The following RNF149 variants were observed in gnomAD, a reference collection of about 807,000 sequenced individuals.
The protein encoded by RNF149 is E3 ubiquitin-protein ligase RNF149.
Under a neutral mutation model 39.0 loss-of-function variants are expected in RNF149, and 21 were observed. The ratio of observed to expected loss-of-function variants is 0.54; its 90% CI spans 0.38 to 0.77. The LOEUF is 0.77. Among genes scored for constraint, RNF149 ranks in the 30% least tolerant of loss-of-function variants. The probability of loss-of-function intolerance (pLI) is 0.00; values close to 1 mark genes in which losing one functional copy is unlikely to be tolerated. For missense variants in RNF149, 493 were observed against 534.9 expected (o/e 0.92, Z 0.77); for synonymous variants, 209 against 213.6 (o/e 0.98, Z 0.19).
At chr2:101,271,897 T>C (rs12622282), downstream of RNF149, among the ~76,000 whole-genome samples, 672 of 152,360 alleles carry the variant, frequency 4.4e-3, 13 homozygotes, top group East Asian at 0.074. Flanking sequence ...TTTATTCTTA[T>C]AGTGTACATA....
chr2:101,272,913 G>T (rs751994485), downstream of RNF149: 7 of 1,339,094 alleles, frequency 5.2e-6, no homozygotes, highest in Non-Finnish European at 6.9e-6. Context: ...CAGCTCCCAT[G>T]GCATGAAGCT....
intron 5 of RNF149, among the ~76,000 whole-genome samples, chr2:101,283,912 A>C (rs988989105): frequency 2.6e-5 from 4 of 152,210 alleles, no homozygotes; most frequent in Non-Finnish European, 5.9e-5. Context: ...GTAATGAAGA[A>C]AACAACTTAG....
chr2:101,304,390 T>G (rs1249661456), intron 1 of RNF149, among the ~76,000 whole-genome samples: 1 of 152,026 alleles, frequency 6.6e-6, no homozygotes, highest in Non-Finnish European at 1.5e-5. Context: ...GAGCAAGACC[T>G]TGCCTCAAAA....
Position 101,276,297 on chromosome 2 carries a change from G to A in RNF149, c.*941C>T. On this transcript the variant is annotated 3_prime_UTR_variant, in exon 7 of 7. Coordinates refer to ENST00000295317, the MANE Select transcript of RNF149 (RefSeq NM_173647.4). ...AAGCTTTGCATTAGCCTGCTCCTTTGACCCAAAAGAACAGCAAGCAAGTAA... is the reference window on the plus strand; with the variant it reads ...AAGCTTTGCATTAGCCTGCTCCTTTAACCCAAAAGAACAGCAAGCAAGTAA... 1.0e-6 allele frequency: 1 copy of A among 985,422 alleles called. No homozygotes were observed. Among genetic ancestry groups the A allele is most frequent in the Non-Finnish European group, 1.2e-6 (1 of 829,896 alleles). 61.0% of individuals were successfully genotyped at this position (985,422 alleles called of 1,614,324 possible).
At chr2:101,274,678 C>T (rs1338439411), downstream of RNF149, among the ~76,000 whole-genome samples, 4 of 152,234 alleles carry the variant, frequency 2.6e-5, no homozygotes, top group Non-Finnish European at 5.9e-5. Context: ...AGCAGGGGGC[C>T]CTGGGCGGCA....
downstream of RNF149, chr2:101,272,958 G>A (rs780120442): frequency 5.2e-6 from 7 of 1,352,248 alleles, no homozygotes; most frequent in Admixed American, 3.8e-5. Flanking sequence ...CTAGTGGTTC[G>A]CTTCAGGATA....
chr2:101,276,626 G>A lies in RNF149; in HGVS notation c.*612C>T, dbSNP rs1023841121. 2.0e-6 allele frequency: 2 copies of A among 985,462 alleles called. No individual in the cohort carries two copies. The highest frequency in any genetic ancestry group is 2.4e-6 in the Non-Finnish European group (2 of 829,892). 61.0% of individuals were successfully genotyped at this position (985,462 alleles called of 1,614,324 possible). A position where few individuals can be genotyped will look rare whatever the true frequency, so the allele number is the denominator to read the frequency against. ...GCGTCACAAGAAATGAGGCAATAAA[G>A]GGAAAAATGCAAATCCTAAAGTCAT... is the stretch of plus-strand genomic sequence containing the variant. On this transcript the variant is annotated 3_prime_UTR_variant, in exon 7 of 7. Transcript: ENST00000295317.
chr2:101,283,199 T>C (rs1340362216), intron 5 of RNF149, among the ~76,000 whole-genome samples: 1 of 152,178 alleles, frequency 6.6e-6, no homozygotes, highest in Non-Finnish European at 1.5e-5. Flanking sequence ...CCCTCCTCTG[T>C]GCTCCTACGG....
intron 1 of RNF149, among the ~76,000 whole-genome samples, chr2:101,306,535 C>G (rs561022068): frequency 6.6e-6 from 1 of 152,322 alleles, no homozygotes; most frequent in South Asian, 2.1e-4. Flanking sequence ...CTTTCTGCTG[C>G]GACTGAGGAA....
At chr2:101,291,767 T>A (rs1422645526) in intron 3 of RNF149, among the ~76,000 whole-genome samples, 1 of 152,180 alleles carries the variant, frequency 6.6e-6, no homozygotes, top group African/African-American at 2.4e-5. Flanking sequence ...TGAATGAATC[T>A]ACAAGAAAAT....
chr2:101,291,744 T>G (rs1425597614), intron 3 of RNF149, among the ~76,000 whole-genome samples: 1 of 152,188 alleles, frequency 6.6e-6, no homozygotes. Flanking sequence ...GTTTGCAAGT[T>G]TATACATTAC....
At chr2:101,294,461 T>C (rs1294452149) in intron 2 of RNF149, 4 of 209,434 alleles carry the variant, frequency 1.9e-5, no homozygotes, top group Non-Finnish European at 3.8e-5. Context: ...TTCAAGTACC[T>C]AAAAGGTAAA....
chr2:101,302,305 C>T (rs1037025734), intron 1 of RNF149, among the ~76,000 whole-genome samples: 2 of 152,004 alleles, frequency 1.3e-5, no homozygotes, highest in African/African-American at 4.8e-5. Context: ...GTTAAAATGG[C>T]CCAATAAGGA....
At chr2:101,286,465 G>A (rs1682797706) in intron 4 of RNF149, 1 of 232,174 alleles carries the variant, frequency 4.3e-6, no homozygotes, top group Non-Finnish European at 8.3e-6. Context: ...AAGCTTTTTG[G>A]GAAAAAATGT....
At position 101,276,681 on chromosome 2, in the gene RNF149, G is replaced by T; in HGVS notation, c.*557C>A. 1 of 985,098 alleles carries T rather than the reference G, an allele frequency of 1.0e-6. No homozygotes were observed. Among genetic ancestry groups the T allele is most frequent in the Non-Finnish European group, 1.2e-6 (1 of 829,842 alleles). The allele number at this position is 985,098 out of a possible 1,614,324, so 61.0% of individuals were successfully genotyped here. ...TGCCTTTCTCATAATTCTAAACAAA[G>T]AAAAAGTGCTCTCAGGTTTTGAAAT... is the stretch of plus-strand genomic sequence containing the variant. On this transcript the variant is annotated 3_prime_UTR_variant, in exon 7 of 7. Coordinates refer to ENST00000295317, the MANE Select transcript of RNF149 (RefSeq NM_173647.4).
intron 6 of RNF149, 106 bp from the exon 7 acceptor site, chr2:101,277,387 CAG>C: frequency 7.0e-7 from 1 of 1,422,996 alleles, no homozygotes; most frequent in Non-Finnish European, 9.3e-7. Context: ...AGATGGTAAA[CAG>C]AAAAAAAAAT....
At position 101,276,256 on chromosome 2, in the gene RNF149, A is replaced by G. The variant is rs1421145925; in HGVS notation, c.*982T>C. 1 of 985,326 alleles carries G rather than the reference A, an allele frequency of 1.0e-6. No homozygotes were observed. Among genetic ancestry groups the G allele is most frequent in the Non-Finnish European group, 1.2e-6 (1 of 829,932 alleles). 61.0% of individuals were successfully genotyped at this position (985,326 alleles called of 1,614,324 possible). A position where few individuals can be genotyped will look rare whatever the true frequency, so the allele number is the denominator to read the frequency against. The stretch of plus-strand genomic sequence containing the variant: ...AGTGTGTGTTTAATCACTTTTTAAC[A>G]CTTAGCAGTCTCCAAAAGCTTTGCA... On this transcript the variant is annotated 3_prime_UTR_variant, in exon 7 of 7. Coordinates refer to ENST00000295317, the MANE Select transcript of RNF149 (RefSeq NM_173647.4).
At position 101,306,265 on chromosome 2, in the gene RNF149, G is replaced by A. The variant is rs115372770; in HGVS notation, c.460+1864C>T. Among the ~76,000 whole-genome samples the A allele has an allele frequency of 6.3e-3, 955 of 152,280 alleles. 3 individuals are homozygous for A. The highest frequency in any genetic ancestry group is 0.022 in the African/African-American group (910 of 41,552). On this transcript the variant is annotated intron_variant, in intron 1 of 6. Transcript: ENST00000295317. ...TTTGAAAAAAAGTCTACATTAAGAC[G>A]GGTGTATAAGAACCCAGCATCAGAG...
downstream of RNF149, chr2:101,271,623 GAGTC>G (rs1292694209): frequency 6.7e-6 from 1 of 149,142 alleles, no homozygotes; most frequent in Non-Finnish European, 1.5e-5. Flanking sequence ...AAAAAATTGA[GAGTC>G]AATAACTGCA....
Sources: gnomAD v4.1 joint callset for allele counts (sites outside exome capture counted in the v4.1 genomes callset) on GRCh38, gnomAD v4.1.1 for gene constraint, MANE v1.5 for transcripts, NCBI Gene and HGNC (gene_info 2026-07-23, HGNC 2026-07-21) for gene names.